The following OR1J2 variants were observed in gnomAD, a reference collection of about 807,000 sequenced individuals.
The protein encoded by OR1J2 is olfactory receptor family 1 subfamily J member 2.
For missense variants in OR1J2, 304 were observed against 246.1 expected, an observed-to-expected ratio of 1.24 and a Z score of -1.57; for synonymous variants, 142 against 99.7, an observed-to-expected ratio of 1.42 and a Z score of -2.52.
the OR1J2 span, among the ~76,000 whole-genome samples, chr9:122,569,876 G>A: frequency 1.4e-5 from 2 of 147,246 alleles, no homozygotes; most frequent in African/African-American, 5.1e-5. Flanking sequence ...TCCCCTTCCT[G>A]TGTCCATGTG....
chr9:122,506,392 A>G (rs1173757062), upstream of OR1J2, among the ~76,000 whole-genome samples: 1 of 152,172 alleles, frequency 6.6e-6, no homozygotes, highest in African/African-American at 2.4e-5. Flanking sequence ...GGAGATTACC[A>G]GTTCAATCTC....
chr9:122,479,284 CAG>C, the OR1J2 span, among the ~76,000 whole-genome samples: 1 of 152,264 alleles, frequency 6.6e-6, no homozygotes, highest in African/African-American at 2.4e-5. Flanking sequence ...TTGTTCCACT[CAG>C]AATTTGTCTT....
chr9:122,558,875 T>C, the OR1J2 span, among the ~76,000 whole-genome samples: 1,335 of 152,178 alleles, frequency 8.8e-3, 17 homozygotes, highest in African/African-American at 0.031. Context: ...TTCTTTCCCT[T>C]ATAATGTGGA....
the OR1J2 span, among the ~76,000 whole-genome samples, chr9:122,475,460 G>C: frequency 3.3e-5 from 5 of 152,126 alleles, no homozygotes; most frequent in Admixed American, 3.3e-4. Flanking sequence ...CATTAAGCTT[G>C]AGATAAGGAG....
chr9:122,453,107 GC>G, the OR1J2 span, among the ~76,000 whole-genome samples: 16 of 151,052 alleles, frequency 1.1e-4, no homozygotes, highest in Admixed American at 5.3e-4. Context: ...CATGTGACCT[GC>G]CTGCTCCAGC....
chr9:122,566,288 AAT>A, the OR1J2 span, among the ~76,000 whole-genome samples: 2 of 152,216 alleles, frequency 1.3e-5, no homozygotes, highest in African/African-American at 4.8e-5. Context: ...CTTGTTTATT[AAT>A]AGTTTTCTAT....
the OR1J2 span, among the ~76,000 whole-genome samples, chr9:122,544,629 A>T: frequency 2.0e-5 from 3 of 152,048 alleles, no homozygotes; most frequent in Non-Finnish European, 4.4e-5. Context: ...CATGTTAGTC[A>T]GACTGGTCTC....
At chr9:122,567,859 C>CAATA in the OR1J2 span, 2 of 1,613,980 alleles carry the variant, frequency 1.2e-6, no homozygotes, top group South Asian at 2.2e-5. Flanking sequence ...GTCACCAAAA[C>CAATA]AATAGGTGCT....
chr9:122,554,235 A>G, the OR1J2 span: 1 of 1,174,782 alleles, frequency 8.5e-7, no homozygotes, highest in Non-Finnish European at 1.2e-6. Context: ...TAATTCTACT[A>G]CTGTCATGTT....
At chr9:122,542,570 A>T in the OR1J2 span, among the ~76,000 whole-genome samples, 1 of 152,210 alleles carries the variant, frequency 6.6e-6, no homozygotes, top group Non-Finnish European at 1.5e-5. Flanking sequence ...TACAGTAAAC[A>T]TTCCTATACC....
chr9:122,516,368 A>T (rs1456179527), downstream of OR1J2, among the ~76,000 whole-genome samples: 146 of 122,434 alleles, frequency 1.2e-3, no homozygotes, highest in Non-Finnish European at 2.0e-4. Flanking sequence ...CAGTGGCGGG[A>T]TCTCGGCTCA....
the OR1J2 span, among the ~76,000 whole-genome samples, chr9:122,557,464 TA>T: frequency 1.3e-5 from 2 of 152,084 alleles, no homozygotes; most frequent in Non-Finnish European, 2.9e-5. Context: ...CTATTTATAT[TA>T]TTATGTAGTT....
chr9:122,526,514 A>G, the OR1J2 span: 23 of 1,594,294 alleles, frequency 1.4e-5, no homozygotes, highest in Non-Finnish European at 2.0e-5. Flanking sequence ...CAATGGAGGG[A>G]GGACACAGGT....
the OR1J2 span, chr9:122,519,278 C>G: frequency 1.2e-6 from 2 of 1,614,022 alleles, no homozygotes; most frequent in Admixed American, 1.7e-5. Flanking sequence ...TGCTCATCAT[C>G]CTGCTCATCC....
the OR1J2 span, chr9:122,471,375 C>T: frequency 1.3e-5 from 2 of 152,292 alleles, no homozygotes; most frequent in South Asian, 2.1e-4. Flanking sequence ...CCTTTTACCT[C>T]CCACTGTGAT....
chr9:122,546,549 T>C, the OR1J2 span, among the ~76,000 whole-genome samples: 1 of 152,120 alleles, frequency 6.6e-6, no homozygotes, highest in Non-Finnish European at 1.5e-5. Flanking sequence ...AAACGGAGAA[T>C]GCAGGATTTA....
At chr9:122,561,160 G>A in the OR1J2 span, among the ~76,000 whole-genome samples, 1 of 152,118 alleles carries the variant, frequency 6.6e-6, no homozygotes, top group East Asian at 1.9e-4. Context: ...TTCTTGTGCT[G>A]TGTTTTTCAG....
chr9:122,527,247 GA>G, the OR1J2 span: 2 of 1,612,988 alleles, frequency 1.2e-6, no homozygotes, highest in South Asian at 2.2e-5. Context: ...TGGAGGCGCT[GA>G]TATTCCTCGG....
At chr9:122,529,340 T>C in the OR1J2 span, among the ~76,000 whole-genome samples, 1 of 152,234 alleles carries the variant, frequency 6.6e-6, no homozygotes, top group South Asian at 2.1e-4. Context: ...ATGCAGACCC[T>C]GCCTTCAGCA....
Sources: allele counts gnomAD v4.1 joint callset (sites outside exome capture counted in the v4.1 genomes callset), GRCh38; gene constraint gnomAD v4.1.1; transcripts MANE v1.5; gene names NCBI Gene and HGNC (gene_info 2026-07-23, HGNC 2026-07-21).